OLA1: variants seen among roughly 807,000 people sequenced by gnomAD.
OLA1 encodes Obg like ATPase 1, also known as obg-like ATPase 1.
In OLA1, 14 loss-of-function variants were observed where a neutral mutation model predicts 48.4. That is an observed-to-expected ratio of 0.29 (90% CI 0.19 to 0.45). The LOEUF is 0.45. OLA1 is among the 20% of genes least tolerant of loss of function. The pLI is 1.00. For missense variants in OLA1, 325 were observed against 467.1 expected, an observed-to-expected ratio of 0.70 and a Z score of 2.80; for synonymous variants, 127 against 150.4, an observed-to-expected ratio of 0.84 and a Z score of 1.14.
At chr2:174,169,763 C>CA (rs1371251942) in intron 4 of OLA1, among the ~76,000 whole-genome samples, 1 of 152,146 alleles carries the variant, frequency 6.6e-6, no homozygotes, top group Non-Finnish European at 1.5e-5. Flanking sequence ...TTAGTAAGTG[C>CA]AAAAGGCTTT....
intron 7 of OLA1, among the ~76,000 whole-genome samples, chr2:174,098,045 A>G (rs1685297976): frequency 6.6e-6 from 1 of 151,920 alleles, no homozygotes; most frequent in South Asian, 2.1e-4. Flanking sequence ...CTTTAGAGAA[A>G]AGGAATTTGA....
At chr2:174,098,046 AG>A (rs1206051527) in intron 7 of OLA1, among the ~76,000 whole-genome samples, 1 of 151,910 alleles carries the variant, frequency 6.6e-6, no homozygotes, top group Non-Finnish European at 1.5e-5. Flanking sequence ...TTTAGAGAAA[AG>A]GAATTTGAGC....
chr2:174,204,947 G>A (rs1402581641), intron 4 of OLA1, among the ~76,000 whole-genome samples: 1 of 151,940 alleles, frequency 6.6e-6, no homozygotes, highest in Non-Finnish European at 1.5e-5. Context: ...TAAAGTTTCT[G>A]GCCCCCTAAC....
intron 7 of OLA1, among the ~76,000 whole-genome samples, chr2:174,085,157 G>C (rs968402328): frequency 2.0e-5 from 3 of 152,174 alleles, no homozygotes; most frequent in Admixed American, 1.3e-4. Flanking sequence ...CCACAGCAAG[G>C]GGACAAAGAA....
At chr2:174,144,951 A>AAAAAAAATATATATATAT (rs1181030817) in intron 4 of OLA1, among the ~76,000 whole-genome samples, 3 of 40,296 alleles carry the variant, frequency 7.4e-5, no homozygotes, top group Non-Finnish European at 8.0e-5. Flanking sequence ...AAAAAAAAAA[A>AAAAAAAATATATATATAT]ATATATATAT....
chr2:174,076,952 T>C (rs1475085441), intron 10 of OLA1, among the ~76,000 whole-genome samples: 3 of 152,082 alleles, frequency 2.0e-5, no homozygotes, highest in Non-Finnish European at 4.4e-5. Context: ...CAAGTACATA[T>C]TGACATGACA....
intron 4 of OLA1, among the ~76,000 whole-genome samples, chr2:174,220,816 A>C (rs1416089583): frequency 6.6e-6 from 1 of 152,218 alleles, no homozygotes; most frequent in Admixed American, 6.5e-5. Context: ...GATATTAATA[A>C]ATTAAAATTC....
intron 7 of OLA1, among the ~76,000 whole-genome samples, chr2:174,082,748 C>G (rs1469737190): frequency 6.6e-6 from 1 of 152,100 alleles, no homozygotes; most frequent in Non-Finnish European, 1.5e-5. Flanking sequence ...AAAGCCAAAT[C>G]AGTTAGGAAA....
At chr2:174,106,050 A>C (rs1255810149) in intron 7 of OLA1, among the ~76,000 whole-genome samples, 2 of 152,052 alleles carry the variant, frequency 1.3e-5, no homozygotes, top group Non-Finnish European at 2.9e-5. Context: ...CAGCTATTAA[A>C]ATGGTAATTT....
intron 7 of OLA1, among the ~76,000 whole-genome samples, chr2:174,112,812 T>C (rs1408292149): frequency 1.3e-5 from 2 of 152,136 alleles, no homozygotes; most frequent in African/African-American, 4.8e-5. Flanking sequence ...ACCAAATAAA[T>C]TTCTCTTCTT....
chr2:174,100,745 T>C (rs953246162), intron 7 of OLA1, among the ~76,000 whole-genome samples: 36 of 152,320 alleles, frequency 2.4e-4, no homozygotes, highest in African/African-American at 8.4e-4. Context: ...GAATGAGTTT[T>C]GAAAATTTTA....
chr2:174,140,084 T>G (rs1211308233), intron 5 of OLA1, among the ~76,000 whole-genome samples: 1 of 152,088 alleles, frequency 6.6e-6, no homozygotes, highest in Non-Finnish European at 1.5e-5. Flanking sequence ...AAAAGAGGTT[T>G]GAATGTTGAA....
rs1195093103 is a variant in OLA1, at chr2:174,226,090, T to C, written c.246-2930A>G. On this transcript the variant is annotated intron_variant, in intron 3 of 10. Coordinates refer to ENST00000284719, the MANE Select transcript of OLA1 (RefSeq NM_013341.5). Reference sequence around the variant, plus strand: ...GGCGGGCGCCTGTAGTCCCAGCTACTTGGGAGGCTGAGGCAGGAGAATGGC... The same window carrying C: ...GGCGGGCGCCTGTAGTCCCAGCTACCTGGGAGGCTGAGGCAGGAGAATGGC... 4.1e-5 allele frequency among the ~76,000 whole-genome samples: 4 copies of C among 98,456 alleles called. 1 individual carries two copies. The highest frequency in any genetic ancestry group is 1.4e-4 in the African/African-American group (4 of 28,506). The allele number at this position is 98,456 out of a possible 152,430, so 64.6% of individuals were successfully genotyped here. A position where few individuals can be genotyped will look rare whatever the true frequency, so the allele number is the denominator to read the frequency against.
intron 2 of OLA1, among the ~76,000 whole-genome samples, chr2:174,243,144 G>A (rs996221679): frequency 3.3e-5 from 5 of 152,166 alleles, no homozygotes; most frequent in African/African-American, 1.2e-4. Context: ...GAGTAGCTGG[G>A]ATTACAGGGG....
At chr2:174,210,481 G>A (rs1055591196) in intron 4 of OLA1, among the ~76,000 whole-genome samples, 1 of 151,768 alleles carries the variant, frequency 6.6e-6, no homozygotes, top group Non-Finnish European at 1.5e-5. Flanking sequence ...CATTTGTTTG[G>A]TCATTTATAA....
At chr2:174,078,450 T>A (rs1354299149) in intron 10 of OLA1, among the ~76,000 whole-genome samples, 1 of 151,956 alleles carries the variant, frequency 6.6e-6, no homozygotes, top group African/African-American at 2.4e-5. Context: ...ATTATCCTTA[T>A]TAGCTAAAAT....
At chr2:174,086,411 G>T (rs867823036) in intron 7 of OLA1, among the ~76,000 whole-genome samples, 1 of 151,978 alleles carries the variant, frequency 6.6e-6, no homozygotes, top group Non-Finnish European at 1.5e-5. Flanking sequence ...CCATTTTTCC[G>T]ATGGGGATAT....
chr2:174,142,022 C>G (rs1166598827), intron 4 of OLA1, 22 bp from the exon 5 acceptor site: 1 of 1,603,600 alleles, frequency 6.2e-7, no homozygotes, highest in Admixed American at 1.7e-5. Context: ...TAAAGGGAAG[C>G]AATTCAATAA....
At chr2:174,139,864 C>CAAAAAA (rs1162058790) in intron 5 of OLA1, among the ~76,000 whole-genome samples, 2 of 76,926 alleles carry the variant, frequency 2.6e-5, no homozygotes, top group African/African-American at 5.2e-5. Flanking sequence ...GACTCAGTCT[C>CAAAAAA]AAAAAAAAAA....
Sources: allele counts gnomAD v4.1 joint callset (sites outside exome capture counted in the v4.1 genomes callset), GRCh38; gene constraint gnomAD v4.1.1; transcripts MANE v1.5; gene names NCBI Gene and HGNC (gene_info 2026-07-23, HGNC 2026-07-21).